Variants in DHX15 observed in about 807,000 individuals in gnomAD.
DHX15 encodes the protein ATP-dependent RNA helicase DHX15.
A neutral mutation model predicts 94.4 loss-of-function variants in DHX15; 11 were observed. The observed-to-expected ratio is 0.12, with a 90% CI of 0.07 to 0.19. DHX15 has a LOEUF of 0.19. Ranked by LOEUF, DHX15 falls within the 10% of genes least tolerant of loss-of-function variation. The probability of loss-of-function intolerance (pLI) is 1.00; values close to 1 mark genes in which losing one functional copy is unlikely to be tolerated. For synonymous variants in DHX15, 338 were observed against 329.9 expected (o/e 1.02, Z -0.27); for missense variants, 304 against 988.5 (o/e 0.31, Z 9.29).
chr4:24,534,671 T>C (rs1721158011), intron 11 of DHX15, among the ~76,000 whole-genome samples: 2 of 152,172 alleles, frequency 1.3e-5, no homozygotes, highest in African/African-American at 4.8e-5. Flanking sequence ...GCAAAATAAC[T>C]TGAATCTAGT....
At chr4:24,555,474 T>C (rs1247877342) in intron 4 of DHX15, among the ~76,000 whole-genome samples, 3 of 152,212 alleles carry the variant, frequency 2.0e-5, no homozygotes, top group Admixed American at 2.0e-4. Flanking sequence ...TTTTAAAGCA[T>C]TGATCTAATT....
intron 12 of DHX15, among the ~76,000 whole-genome samples, chr4:24,531,073 T>C (rs2109391151): frequency 6.6e-6 from 1 of 151,484 alleles, no homozygotes; most frequent in South Asian, 2.1e-4. Flanking sequence ...GTATAATGCT[T>C]GAATATAGTT....
chr4:24,570,755 A>G lies in DHX15; in HGVS notation c.600T>C (p.Ser200=). ...TCTCATCAGCAACTCTCTGAGCCACACTCATTGCAGCCACTCTCCTGGGTT... is the reference window on the plus strand; with the variant it reads ...TCTCATCAGCAACTCTCTGAGCCACGCTCATTGCAGCCACTCTCCTGGGTT... ...CTQPRRVAAM[S]VAQRVADEMD... is the part of the protein sequence containing the mutation. The change falls in exon 3 of 14, where the codon AGT becomes AGC. Residue 200 remains serine, a synonymous_variant. Coordinates refer to ENST00000336812, the MANE Select transcript of DHX15 (RefSeq NM_001358.3). 6.2e-7 allele frequency: 1 copy of G among 1,613,916 alleles called. No homozygotes were observed. Among genetic ancestry groups the G allele is most frequent in the Non-Finnish European group, 8.5e-7 (1 of 1,180,008 alleles).
intron 1 of DHX15, among the ~76,000 whole-genome samples, chr4:24,582,727 A>T (rs1265051071): frequency 6.6e-6 from 1 of 152,162 alleles, no homozygotes; most frequent in Non-Finnish European, 1.5e-5. Context: ...AAGCCACCTT[A>T]ACTCTGTTCT....
intron 1 of DHX15, 114 bp downstream of exon 1, chr4:24,584,209 G>A (rs547627327): frequency 1.1e-5 from 12 of 1,140,534 alleles, no homozygotes; most frequent in Non-Finnish European, 1.3e-5. Context: ...CCAGCCCAGA[G>A]AGAAACAAAG....
intron 13 of DHX15, 115 bp downstream of exon 13, chr4:24,529,486 A>G (rs1721033183): frequency 4.7e-6 from 4 of 851,706 alleles, no homozygotes; most frequent in Non-Finnish European, 7.5e-6. Context: ...TCATACCTAC[A>G]CACTGAAATA....
At chr4:24,566,139 G>A (rs1264123004) in intron 3 of DHX15, among the ~76,000 whole-genome samples, 1 of 151,652 alleles carries the variant, frequency 6.6e-6, no homozygotes, top group East Asian at 1.9e-4. Flanking sequence ...AAACTCTTGG[G>A]TCCAAGTGAT....
At chr4:24,545,943 T>C (rs975544840) in intron 6 of DHX15, among the ~76,000 whole-genome samples, 1 of 152,196 alleles carries the variant, frequency 6.6e-6, no homozygotes, top group Non-Finnish European at 1.5e-5. Context: ...TGTCAGGACA[T>C]GCTAAGAGTA....
intron 6 of DHX15, among the ~76,000 whole-genome samples, chr4:24,547,945 A>ATC (rs1560765983): frequency 4.1e-5 from 2 of 49,012 alleles, no homozygotes; most frequent in African/African-American, 1.8e-4. Context: ...ATATATATCT[A>ATC]TATCTATATC....
intron 5 of DHX15, 58 bp downstream of exon 5, chr4:24,554,667 G>C: frequency 8.0e-7 from 1 of 1,250,994 alleles, no homozygotes; most frequent in Non-Finnish European, 1.1e-6. Context: ...GATTAAGGTT[G>C]CTGCATATTA....
At chr4:24,542,121 T>A in intron 7 of DHX15, 99 bp from the exon 8 acceptor site, 1 of 1,019,110 alleles carries the variant, frequency 9.8e-7, no homozygotes. Context: ...CCAAAATAAA[T>A]AAAGAAATAT....
intron 3 of DHX15, among the ~76,000 whole-genome samples, chr4:24,569,314 T>C (rs1418649991): frequency 6.6e-6 from 1 of 152,148 alleles, no homozygotes; most frequent in Non-Finnish European, 1.5e-5. Context: ...TTTCTGCGGC[T>C]GGGTGTAGTG....
intron 6 of DHX15, among the ~76,000 whole-genome samples, chr4:24,547,897 G>GTATATATATA (rs869284515): frequency 1.8e-5 from 1 of 55,770 alleles, no homozygotes; most frequent in Non-Finnish European, 3.4e-5. Flanking sequence ...CTCTATGTAT[G>GTATATATATA]TATGTGTATA....
chr4:24,575,120 A>G (rs1231526709), intron 2 of DHX15, among the ~76,000 whole-genome samples: 1 of 151,740 alleles, frequency 6.6e-6, no homozygotes, highest in African/African-American at 2.4e-5. Flanking sequence ...GCACTCCAGC[A>G]TGGGTGAAAG....
intron 3 of DHX15, among the ~76,000 whole-genome samples, chr4:24,560,589 T>A (rs1290492721): frequency 6.6e-6 from 1 of 152,164 alleles, no homozygotes; most frequent in Non-Finnish European, 1.5e-5. Flanking sequence ...AATTCTGTTA[T>A]AAGCTCCTAC....
chr4:24,547,959 ATC>A (rs1478396133), intron 6 of DHX15, among the ~76,000 whole-genome samples: 3 of 133,804 alleles, frequency 2.2e-5, no homozygotes, highest in African/African-American at 5.7e-5. Flanking sequence ...CTATATCTAT[ATC>A]TATCTGCTGA....
chr4:24,556,130 C>CT, intron 4 of DHX15, 121 bp downstream of exon 4: 1 of 712,638 alleles, frequency 1.4e-6, no homozygotes, highest in Non-Finnish European at 2.2e-6. Flanking sequence ...CAAGAAGGTA[C>CT]TTACTAGTTC....
chr4:24,539,467 A>G (rs1721261834), intron 10 of DHX15, among the ~76,000 whole-genome samples: 1 of 152,170 alleles, frequency 6.6e-6, no homozygotes, highest in Admixed American at 6.5e-5. Flanking sequence ...ATTGTTACTA[A>G]AAACAGCATT....
chr4:24,561,009 G>A (rs1721863404), intron 3 of DHX15, among the ~76,000 whole-genome samples: 1 of 152,144 alleles, frequency 6.6e-6, no homozygotes, highest in Non-Finnish European at 1.5e-5. Context: ...AAATCTCTAT[G>A]GAGGGCAATC....
Sources: gnomAD v4.1 joint callset for allele counts (sites outside exome capture counted in the v4.1 genomes callset) on GRCh38, gnomAD v4.1.1 for gene constraint, MANE v1.5 for transcripts, NCBI Gene and HGNC (gene_info 2026-07-23, HGNC 2026-07-21) for gene names.